PGBD2: variants seen among roughly 807,000 people sequenced by gnomAD.
The protein encoded by PGBD2 is piggyBac transposable element derived 2, also known as piggyBac transposable element-derived protein 2.
A neutral mutation model predicts 8.1 loss-of-function variants in PGBD2; 6 were observed. The observed-to-expected ratio is 0.74, with a 90% CI of 0.40 to 1.46. PGBD2 has a LOEUF of 1.46. Among genes scored for constraint, PGBD2 ranks in the 40% most tolerant of loss-of-function variants. PGBD2 has a pLI of 0.02. For missense variants in PGBD2, 802 were observed against 739.0 expected (o/e 1.09, Z -0.99); for synonymous variants, 318 against 272.2 (o/e 1.17, Z -1.66).
the PGBD2 span, among the ~76,000 whole-genome samples, chr1:248,894,473 C>G: frequency 6.6e-6 from 1 of 152,182 alleles, no homozygotes; most frequent in East Asian, 1.9e-4. Flanking sequence ...CGATTACATG[C>G]TTTTGGATGT....
the PGBD2 span, among the ~76,000 whole-genome samples, chr1:248,928,474 G>T: frequency 6.6e-6 from 1 of 152,096 alleles, no homozygotes; most frequent in Non-Finnish European, 1.5e-5. Flanking sequence ...TGACCCAAAT[G>T]CTTCTGTTTC....
downstream of PGBD2, among the ~76,000 whole-genome samples, chr1:248,922,108 G>A (rs1425094866): frequency 1.3e-5 from 2 of 149,712 alleles, no homozygotes; most frequent in Non-Finnish European, 3.0e-5. Context: ...TGCCCAGGCT[G>A]GAGTGCAGTG....
chr1:248,892,059 A>G, the PGBD2 span, among the ~76,000 whole-genome samples: 19 of 152,266 alleles, frequency 1.2e-4, 1 homozygote, highest in Non-Finnish European at 2.4e-4. Flanking sequence ...CACAAAGTTG[A>G]GGACAGGCCT....
chr1:248,921,421 A>T (rs1446637854), downstream of PGBD2, among the ~76,000 whole-genome samples: 1 of 152,132 alleles, frequency 6.6e-6, no homozygotes, highest in East Asian at 1.9e-4. Context: ...TGTTTTTGTC[A>T]GGTTTGTCAA....
At chr1:248,922,571 C>A (rs1011140234), downstream of PGBD2, among the ~76,000 whole-genome samples, 3 of 152,122 alleles carry the variant, frequency 2.0e-5, no homozygotes, top group Non-Finnish European at 4.4e-5. Flanking sequence ...TTTGCCCATT[C>A]AGTATGATAT....
chr1:248,881,946 T>A, the PGBD2 span, among the ~76,000 whole-genome samples: 100 of 152,332 alleles, frequency 6.6e-4, 1 homozygote, highest in African/African-American at 1.7e-3. Context: ...ATTCCTGTAA[T>A]GTCTTATAAT....
the PGBD2 span, among the ~76,000 whole-genome samples, chr1:248,881,945 A>G: frequency 6.6e-6 from 1 of 152,146 alleles, no homozygotes; most frequent in Admixed American, 6.5e-5. Context: ...CATTCCTGTA[A>G]TGTCTTATAA....
At chr1:248,906,815 T>C (rs1661658177) in intron 1 of PGBD2, among the ~76,000 whole-genome samples, 2 of 152,110 alleles carry the variant, frequency 1.3e-5, no homozygotes, top group South Asian at 2.1e-4. Context: ...CTGCTGAGGT[T>C]TCTGAGGGTC....
At chr1:248,892,440 G>A in the PGBD2 span, among the ~76,000 whole-genome samples, 1 of 151,354 alleles carries the variant, frequency 6.6e-6, no homozygotes, top group East Asian at 1.9e-4. Context: ...CAATAAAGGA[G>A]GCAGTTAATC....
the PGBD2 span, among the ~76,000 whole-genome samples, chr1:248,883,006 A>C: frequency 2.0e-5 from 3 of 152,216 alleles, no homozygotes; most frequent in African/African-American, 7.2e-5. Context: ...GTATGTATGT[A>C]TATATTTGTC....
chr1:248,883,573 C>CT, the PGBD2 span, among the ~76,000 whole-genome samples: 299 of 112,442 alleles, frequency 2.7e-3, 2 homozygotes, highest in African/African-American at 8.2e-3. Flanking sequence ...CTGATAGTTT[C>CT]TTTTTTTTTT....
the PGBD2 span, among the ~76,000 whole-genome samples, chr1:248,893,951 A>C: frequency 6.6e-6 from 1 of 152,174 alleles, no homozygotes; most frequent in African/African-American, 2.4e-5. Flanking sequence ...TCTAACAGGT[A>C]TGAGATGATA....
the PGBD2 span, among the ~76,000 whole-genome samples, chr1:248,894,708 TTCTTGC>T: frequency 6.9e-6 from 1 of 145,688 alleles, no homozygotes; most frequent in East Asian, 2.1e-4. Flanking sequence ...CCTCCTTTCT[TTCTTGC>T]TTGCTTGCTT....
At chr1:248,875,345 A>G in the PGBD2 span, among the ~76,000 whole-genome samples, 2 of 151,672 alleles carry the variant, frequency 1.3e-5, no homozygotes, top group Non-Finnish European at 2.9e-5. Context: ...AAAAAAAGAA[A>G]GAAAGTTGAG....
the PGBD2 span, among the ~76,000 whole-genome samples, chr1:248,896,972 A>G: frequency 6.6e-6 from 1 of 152,264 alleles, no homozygotes; most frequent in Non-Finnish European, 1.5e-5. Context: ...GTTCCTCTTC[A>G]AAGATTTTCC....
chr1:248,926,051 C>T, the PGBD2 span, among the ~76,000 whole-genome samples: 71 of 152,130 alleles, frequency 4.7e-4, no homozygotes, highest in South Asian at 0.01. Flanking sequence ...CCTCCCCAGC[C>T]GCCTCTCCAG....
the PGBD2 span, among the ~76,000 whole-genome samples, chr1:248,881,215 C>A: frequency 4.6e-5 from 7 of 152,124 alleles, no homozygotes; most frequent in Non-Finnish European, 1.0e-4. Context: ...TGGTGTGGAT[C>A]TCTAGAGCTA....
At chr1:248,923,552 C>T (rs1380478964), downstream of PGBD2, among the ~76,000 whole-genome samples, 5 of 152,160 alleles carry the variant, frequency 3.3e-5, no homozygotes, top group East Asian at 1.9e-4. Flanking sequence ...CAGTTCCCAG[C>T]GAGCTTTCTC....
At chr1:248,922,321 A>T (rs1261958553), downstream of PGBD2, among the ~76,000 whole-genome samples, 2 of 152,146 alleles carry the variant, frequency 1.3e-5, no homozygotes, top group East Asian at 3.8e-4. Context: ...GGCCTCCCAA[A>T]GTGCTGGGAT....
Sources: gnomAD v4.1 joint callset for allele counts (sites outside exome capture counted in the v4.1 genomes callset) on GRCh38, gnomAD v4.1.1 for gene constraint, MANE v1.5 for transcripts, NCBI Gene and HGNC (gene_info 2026-07-23, HGNC 2026-07-21) for gene names.